MEOX1: variants seen among roughly 807,000 people sequenced by gnomAD.
MEOX1 encodes the protein mesenchyme homeobox 1, also known as homeobox protein MOX-1.
A neutral mutation model predicts 23.2 loss-of-function variants in MEOX1; 17 were observed. The observed-to-expected ratio is 0.73, with a 90% CI of 0.50 to 1.10. The LOEUF (loss-of-function observed/expected upper bound fraction) is 1.10, where lower values mean the gene tolerates loss of function less well. Among genes scored for constraint, MEOX1 ranks in the 50% least tolerant of loss-of-function variants. The probability of loss-of-function intolerance (pLI) is 0.00; values close to 1 mark genes in which losing one functional copy is unlikely to be tolerated. For missense variants in MEOX1, 333 were observed against 332.2 expected (o/e 1.00, Z -0.02); for synonymous variants, 134 against 135.1 (o/e 0.99, Z 0.06).
chr17:43,654,052 A>G (rs545836009), intron 1 of MEOX1, among the ~76,000 whole-genome samples: 1 of 152,310 alleles, frequency 6.6e-6, no homozygotes, highest in East Asian at 1.9e-4. Flanking sequence ...ACAGTCCTGT[A>G]CAGTCCCTAT....
intron 1 of MEOX1, among the ~76,000 whole-genome samples, chr17:43,649,623 C>T (rs9747287): frequency 0.33 from 50,297 of 152,094 alleles, 9,719 homozygotes; most frequent in Middle Eastern, 0.48. Flanking sequence ...ACTATTGCTG[C>T]AGCCTTCAGA....
At chr17:43,652,901 G>A (rs185612444) in intron 1 of MEOX1, among the ~76,000 whole-genome samples, 1 of 140,600 alleles carries the variant, frequency 7.1e-6, no homozygotes, top group Non-Finnish European at 1.5e-5. Context: ...GTGTGATCTC[G>A]GCTCACTGCA....
chr17:43,650,534 G>C (rs1417420702), intron 1 of MEOX1, among the ~76,000 whole-genome samples: 1 of 152,184 alleles, frequency 6.6e-6, no homozygotes, highest in Non-Finnish European at 1.5e-5. Context: ...GCTGCCCTCG[G>C]GGGAGGATGA....
chr17:43,643,692 T>C (rs751363429), intron 1 of MEOX1, 32 bp from the exon 2 acceptor site: 35 of 1,593,358 alleles, frequency 2.2e-5, no homozygotes, highest in Admixed American at 6.8e-5. Context: ...CAGGAAGACA[T>C]GGGCTGAGGG....
intron 1 of MEOX1, among the ~76,000 whole-genome samples, chr17:43,658,275 G>A (rs1280796161): frequency 3.3e-5 from 5 of 152,304 alleles, no homozygotes; most frequent in South Asian, 2.1e-4. Flanking sequence ...TTGGGAGGCC[G>A]AGGTGGGCTG....
At chr17:43,660,881 G>A (rs1973125126) in intron 1 of MEOX1, among the ~76,000 whole-genome samples, 185 bp downstream of exon 1, 2 of 152,110 alleles carry the variant, frequency 1.3e-5, no homozygotes, top group Non-Finnish European at 2.9e-5. Context: ...CACAGACATG[G>A]TCCCCATCAC....
chr17:43,648,689 T>C (rs558669794), intron 1 of MEOX1, among the ~76,000 whole-genome samples: 8 of 152,240 alleles, frequency 5.3e-5, no homozygotes, highest in African/African-American at 1.7e-4. Context: ...CACTCCCTAC[T>C]CTCTCTTCCA....
chr17:43,650,185 G>A (rs991571264), intron 1 of MEOX1, among the ~76,000 whole-genome samples: 1 of 151,716 alleles, frequency 6.6e-6, no homozygotes, highest in Non-Finnish European at 1.5e-5. Flanking sequence ...CTTCTTTTAG[G>A]CTTTCACAGA....
intron 1 of MEOX1, among the ~76,000 whole-genome samples, chr17:43,646,306 C>G (rs1972813462): frequency 6.6e-6 from 1 of 152,154 alleles, no homozygotes; most frequent in African/African-American, 2.4e-5. Context: ...GCGCCGCGCC[C>G]CCTCCTGGCA....
intron 1 of MEOX1, among the ~76,000 whole-genome samples, chr17:43,646,039 G>C (rs1044924649): frequency 5.3e-5 from 8 of 152,206 alleles, no homozygotes; most frequent in Non-Finnish European, 1.0e-4. Flanking sequence ...CGATAGTCCC[G>C]GTGCCCGGGT....
intron 1 of MEOX1, among the ~76,000 whole-genome samples, chr17:43,652,775 G>A (rs376163820): frequency 1.3e-5 from 2 of 151,206 alleles, no homozygotes; most frequent in African/African-American, 4.9e-5. Flanking sequence ...GGCGACCCAG[G>A]TGACACTTAT....
chr17:43,659,553 G>A (rs898531455), intron 1 of MEOX1, among the ~76,000 whole-genome samples: 2 of 152,152 alleles, frequency 1.3e-5, no homozygotes, highest in African/African-American at 4.8e-5. Flanking sequence ...CTTCTAGGGT[G>A]ACCAATTCTT....
chr17:43,656,720 C>CCCTTGA (rs1356075146), intron 1 of MEOX1, among the ~76,000 whole-genome samples: 3 of 152,168 alleles, frequency 2.0e-5, no homozygotes, highest in Non-Finnish European at 2.9e-5. Flanking sequence ...CCACTCTAAT[C>CCCTTGA]ACACGCAACC....
At chr17:43,657,010 T>C (rs867985434) in intron 1 of MEOX1, among the ~76,000 whole-genome samples, 9 of 60,684 alleles carry the variant, frequency 1.5e-4, no homozygotes, top group African/African-American at 2.1e-4. Flanking sequence ...CTTTCTTTCT[T>C]TCTCTTTCTT....
chr17:43,652,727 G>A (rs1972939159), intron 1 of MEOX1, among the ~76,000 whole-genome samples: 1 of 151,940 alleles, frequency 6.6e-6, no homozygotes, highest in Admixed American at 6.6e-5. Context: ...AGGTGAGCAT[G>A]GGCATGAGGT....
chr17:43,648,431 C>T (rs564148292), intron 1 of MEOX1, among the ~76,000 whole-genome samples: 1 of 148,394 alleles, frequency 6.7e-6, no homozygotes, highest in South Asian at 2.1e-4. Flanking sequence ...AGTACCACTG[C>T]ACTCCAGCCT....
intron 1 of MEOX1, among the ~76,000 whole-genome samples, chr17:43,654,641 C>T (rs757954644): frequency 4.6e-5 from 7 of 152,040 alleles, no homozygotes; most frequent in Non-Finnish European, 8.8e-5. Context: ...GCCAACATAG[C>T]GAGACCCCTG....
intron 1 of MEOX1, 76 bp from the exon 2 acceptor site, chr17:43,643,736 C>A: frequency 1.7e-6 from 2 of 1,205,810 alleles, no homozygotes; most frequent in Non-Finnish European, 2.3e-6. Flanking sequence ...CCTTGAGCAA[C>A]TAGGCAGTCT....
chr17:43,647,406 G>T (rs1972831620), intron 1 of MEOX1, among the ~76,000 whole-genome samples: 1 of 152,176 alleles, frequency 6.6e-6, no homozygotes, highest in Non-Finnish European at 1.5e-5. Flanking sequence ...GCCTCAGACA[G>T]GCCCAGGAAA....
Sources: allele counts gnomAD v4.1 joint callset (sites outside exome capture counted in the v4.1 genomes callset), GRCh38; gene constraint gnomAD v4.1.1; transcripts MANE v1.5; gene names NCBI Gene and HGNC (gene_info 2026-07-23, HGNC 2026-07-21).